Variants in KRT71 observed in about 807,000 individuals in gnomAD.
KRT71 encodes keratin 71, also known as keratin, type II cytoskeletal 71.
A neutral mutation model predicts 46.2 loss-of-function variants in KRT71; 42 were observed. The observed-to-expected ratio is 0.91, with a 90% CI of 0.71 to 1.18. KRT71 has a LOEUF of 1.18. Among genes scored for constraint, KRT71 ranks in the 50% most tolerant of loss-of-function variants. The pLI is 0.00. For missense variants in KRT71, 708 were observed against 677.9 expected (o/e 1.04, Z -0.49); for synonymous variants, 292 against 277.8 (o/e 1.05, Z -0.51).
Position 52,544,733 on chromosome 12 carries a change from G to C in KRT71, c.1371C>G (p.Ser457Arg), listed in dbSNP as rs1024006064. Residue 457 changes from serine to arginine, a missense_variant, in exon 9 of 9, where the codon AGC (serine) becomes AGG (arginine). Coordinates refer to ENST00000267119, the MANE Select transcript of KRT71 (RefSeq NM_033448.3). ...FPSPVSISII[S>R]STSGGSVYGF... is the part of the protein sequence containing the mutation. ...CATAGACACTGCCGCCACTGGTGCT[G>C]CTGATGATGGCTGCAGGAGGAGCCG... is the stretch of plus-strand genomic sequence containing the variant. 1 of 1,610,812 alleles carries C rather than the reference G, an allele frequency of 6.2e-7. No individual in the cohort carries two copies. Among genetic ancestry groups the C allele is most frequent in the Non-Finnish European group, 8.5e-7 (1 of 1,179,332 alleles).
At position 52,552,739 on chromosome 12, in the gene KRT71, G is replaced by T. The variant is rs202217842; in HGVS notation, c.339C>A (p.Ala113=). Residue 113 remains alanine, a synonymous_variant, in exon 1 of 9, where the codon GCC becomes GCA. Coordinates refer to ENST00000267119, the MANE Select transcript of KRT71 (RefSeq NM_033448.3). ...CGGGGTCCAGCTCCACGTTGAGGGGGGCCAGGAGGCTCTCATTGACGGTAA... is the reference window on the plus strand; with the variant it reads ...CGGGGTCCAGCTCCACGTTGAGGGGTGCCAGGAGGCTCTCATTGACGGTAA... ...HQVTVNESLL[A]PLNVELDPEI... The T allele has an allele frequency of 6.2e-7, 1 of 1,614,142 alleles. No homozygotes were observed.
In KRT71 at chr12:52,544,182, G is replaced by A. The variant is rs1386635972; in HGVS notation, c.*350C>T. On this transcript the variant is annotated 3_prime_UTR_variant, in exon 9 of 9. Transcript: ENST00000267119. ...CTATGCTAGGTCCCAGTGTGTGCGG[G>A]GCCTTGGGCAGAGACCCAGGGAGCC... The A allele has an allele frequency of 3.4e-5, 12 of 350,658 alleles. No homozygotes were observed. In the Admixed American group the frequency reaches 4.8e-4, roughly 14 times the overall value. The allele number at this position is 350,658 out of a possible 1,614,324, so 21.7% of individuals were successfully genotyped here.
rs1226938127 is a variant in KRT71 at position 52,550,205 on chromosome 12, G to T, written c.480C>A (p.Thr160=). The part of the protein sequence containing the change: ...FLEQQNQVLE[T]KWELLQQLDL... Reference sequence around the variant, plus strand: ...CCAGCTGCTGCAGCAGCTCCCACTTGGTCTCCAGTACCTGGTTCTGCTGCT... The same window carrying T: ...CCAGCTGCTGCAGCAGCTCCCACTTTGTCTCCAGTACCTGGTTCTGCTGCT... The change falls in exon 2 of 9, where the codon ACC becomes ACA. Residue 160 remains threonine (T), a synonymous_variant. Transcript: ENST00000267119. 6.2e-7 allele frequency: 1 copy of T among 1,614,136 alleles called. No individual in the cohort carries two copies. The highest frequency in any genetic ancestry group is 1.7e-5 in the Admixed American group (1 of 60,022).
Position 52,544,511 on chromosome 12 carries a change from C to T in KRT71, c.*21G>A, listed in dbSNP as rs61708395. Reference sequence around the variant, plus strand: ...TCCAGAGCCGGGTCATGGAATGAGGCGGGGCCCGGGGCAGTCTTCTCTACC... The same window carrying T: ...TCCAGAGCCGGGTCATGGAATGAGGTGGGGCCCGGGGCAGTCTTCTCTACC... On this transcript the variant is annotated 3_prime_UTR_variant, in exon 9 of 9. Coordinates refer to ENST00000267119, the MANE Select transcript of KRT71 (RefSeq NM_033448.3). 9.8e-3 allele frequency: 15,712 copies of T among 1,606,254 alleles called. 102 individuals are homozygous for T. Among genetic ancestry groups the T allele is most frequent in the African/African-American group, 0.027 (2,037 of 74,828 alleles).
intron 3 of KRT71, 82 bp from the exon 4 acceptor site, chr12:52,548,878 G>A (rs1260352676): frequency 8.4e-7 from 1 of 1,193,456 alleles, no homozygotes; most frequent in South Asian, 1.2e-5. Flanking sequence ...TTCCCTGAGT[G>A]AAGAAGGAGT....
chr12:52,545,505 C>T (rs1939043002), intron 8 of KRT71, 60 bp downstream of exon 8: 6 of 1,042,030 alleles, frequency 5.8e-6, no homozygotes, highest in South Asian at 5.6e-5. Context: ...GAGGGTGTCA[C>T]TAAGGTCCTT....
Position 52,544,333 on chromosome 12 carries a change from A to C in KRT71, c.*199T>G. 1 of 663,034 alleles carries C rather than the reference A, an allele frequency of 1.5e-6. No homozygotes were observed. Among genetic ancestry groups the C allele is most frequent in the Non-Finnish European group, 2.7e-6 (1 of 368,388 alleles). The allele number at this position is 663,034 out of a possible 1,614,324, so 41.1% of individuals were successfully genotyped here. A position where few individuals can be genotyped will look rare whatever the true frequency, so the allele number is the denominator to read the frequency against. ...GTTAATAGGGTGTGTACAGGGAGGA[A>C]TTTCACCAAGCTTGGTCATCCAGGC... On this transcript the variant is annotated 3_prime_UTR_variant, in exon 9 of 9. Transcript: ENST00000267119.
At position 52,552,655 on chromosome 12, in the gene KRT71, GA is replaced by G. The variant is rs753758509; in HGVS notation, c.422del (p.Phe141SerfsTer30). 6.2e-7 allele frequency: 1 copy of G among 1,611,464 alleles called. No homozygotes were observed. The highest frequency in any genetic ancestry group is 1.7e-5 in the Admixed American group (1 of 59,652). ...REQIKALNNKFASFIDKVRFL... is the reference protein window; with the variant it reads ...REQIKALNNKXASFIDKVRFL... ...GACCCACCTTGTCGATGAAGGAGGC[GA>G]ACTTGTTGTTCAGAGCCTTGATCTG... is the stretch of plus-strand genomic sequence containing the variant. On this transcript the variant is annotated frameshift_variant, in exon 1 of 9. Coordinates refer to ENST00000267119, the MANE Select transcript of KRT71 (RefSeq NM_033448.3). LOFTEE classifies it high-confidence loss of function.
intron 7 of KRT71, among the ~76,000 whole-genome samples, 168 bp downstream of exon 7, chr12:52,546,118 T>TACTCATGTCC (rs927072804): frequency 5.3e-5 from 8 of 152,116 alleles, no homozygotes; most frequent in African/African-American, 1.9e-4. Context: ...ACTGAGTGGA[T>TACTCATGTCC]ACTCATGTCC....
chr12:52,548,179 G>A lies in KRT71; in HGVS notation c.951C>T (p.Ala317=), dbSNP rs775655757. ...TGGTCTGGTACAGGGCCTCAGCCTCGGCCTTACTCTTCAAGGCAATCTCCT... is the reference window on the plus strand; with the variant it reads ...TGGTCTGGTACAGGGCCTCAGCCTCAGCCTTACTCTTCAAGGCAATCTCCT... ...QYEEIALKSK[A]EAEALYQTKF... is the part of the protein sequence containing the mutation. Residue 317 remains alanine, a synonymous_variant, in exon 5 of 9, where the codon GCC becomes GCT. Coordinates refer to ENST00000267119, the MANE Select transcript of KRT71 (RefSeq NM_033448.3). The A allele has an allele frequency of 8.7e-6, 14 of 1,613,810 alleles. No homozygotes were observed. The highest frequency in any genetic ancestry group is 1.3e-5 in the African/African-American group (1 of 74,904).
At chr12:52,547,827 G>T in intron 6 of KRT71, 30 bp downstream of exon 6, 2 of 1,611,648 alleles carry the variant, frequency 1.2e-6, no homozygotes, top group South Asian at 1.1e-5. Context: ...CCCTGCACTT[G>T]ACCACAGGCC....
At position 52,547,951 on chromosome 12, in the gene KRT71, T is replaced by TGCCTGCC. The variant is rs1939085744; in HGVS notation, c.1003_1009dup (p.His337ArgfsTer13). On this transcript the variant is annotated frameshift_variant, in exon 6 of 9. Transcript: ENST00000267119. LOFTEE classifies it high-confidence loss of function. The stretch of plus-strand genomic sequence containing the variant: ...CTTGGTGTTTTTGAGGTCGTCCCCA[T>TGCCTGCC]GCCTGCCAGCTGCCAGCTGAAGCTC... The TGCCTGCC allele has an allele frequency of 6.2e-7, 1 of 1,614,236 alleles. No individual in the cohort carries two copies. The highest frequency in any genetic ancestry group is 1.1e-5 in the South Asian group (1 of 91,084).
intron 1 of KRT71, among the ~76,000 whole-genome samples, chr12:52,551,335 C>T (rs962884674): frequency 1.8e-4 from 27 of 152,240 alleles, no homozygotes; most frequent in African/African-American, 6.5e-4. Flanking sequence ...AGGATGTGAC[C>T]CTCCTCATGT....
intron 6 of KRT71, 119 bp downstream of exon 6, chr12:52,547,738 A>G: frequency 7.8e-7 from 1 of 1,281,650 alleles, no homozygotes; most frequent in South Asian, 1.4e-5. Context: ...CAGCGACCTC[A>G]CTGGCCTTCT....
intron 4 of KRT71, 45 bp downstream of exon 4, chr12:52,548,656 C>T (rs752369459): frequency 6.4e-7 from 1 of 1,552,882 alleles, no homozygotes. Flanking sequence ...TAGAGTTTAA[C>T]CCACCAGCCT....
At chr12:52,552,595 A>T (rs1313453091) in intron 1 of KRT71, 42 bp downstream of exon 1, 19 of 1,552,156 alleles carry the variant, frequency 1.2e-5, no homozygotes, top group Non-Finnish European at 1.7e-5. Context: ...AGAAGAGAAG[A>T]GGAGGGCTGT....
chr12:52,549,499 G>T, intron 2 of KRT71, 146 bp from the exon 3 acceptor site: 1 of 685,214 alleles, frequency 1.5e-6, no homozygotes, highest in South Asian at 1.7e-5. Flanking sequence ...AGTGGGGGAA[G>T]GCTTCCTGGA....
intron 2 of KRT71, 81 bp downstream of exon 2, chr12:52,549,948 A>G: frequency 6.5e-7 from 1 of 1,542,100 alleles, no homozygotes; most frequent in South Asian, 1.1e-5. Context: ...CCTCCAAAGC[A>G]TTTAAGCTGG....
At chr12:52,548,356 G>C in intron 4 of KRT71, 40 bp from the exon 5 acceptor site, 1 of 1,572,104 alleles carries the variant, frequency 6.4e-7, no homozygotes, top group Non-Finnish European at 8.6e-7. Flanking sequence ...CTCAACTGCT[G>C]TCGGAAGCCA....
Sources: gnomAD v4.1 joint callset for allele counts (sites outside exome capture counted in the v4.1 genomes callset) on GRCh38, gnomAD v4.1.1 for gene constraint, MANE v1.5 for transcripts, NCBI Gene and HGNC (gene_info 2026-07-23, HGNC 2026-07-21) for gene names.